Variants in PCDHA8 observed in about 807,000 individuals in gnomAD.
The protein encoded by PCDHA8 is protocadherin alpha-8.
A neutral mutation model predicts 61.8 loss-of-function variants in PCDHA8; 53 were observed. The ratio of observed to expected loss-of-function variants is 0.86; its 90% CI spans 0.69 to 1.08. PCDHA8 has a LOEUF of 1.08. Among genes scored for constraint, PCDHA8 ranks in the 50% least tolerant of loss-of-function variants. PCDHA8 has a pLI of 0.00. For synonymous variants in PCDHA8, 618 were observed against 556.6 expected, an observed-to-expected ratio of 1.11 and a Z score of -1.55; for missense variants, 1,293 against 1,245.0, an observed-to-expected ratio of 1.04 and a Z score of -0.58.
intron 1 of PCDHA8, 41 bp downstream of exon 1, chr5:140,843,756 G>A: frequency 2.7e-6 from 4 of 1,503,408 alleles, no homozygotes; most frequent in Non-Finnish European, 3.7e-6. Flanking sequence ...TTCTATTTGT[G>A]GAAATTGTAG....
chr5:140,945,246 G>A (rs1257337219), intron 1 of PCDHA8, among the ~76,000 whole-genome samples: 1 of 151,864 alleles, frequency 6.6e-6, no homozygotes, highest in African/African-American at 2.4e-5. Context: ...TTAACCAAGA[G>A]GATGAAAGAC....
intron 1 of PCDHA8, among the ~76,000 whole-genome samples, chr5:140,952,559 G>A (rs1185999097): frequency 6.6e-6 from 1 of 152,108 alleles, no homozygotes; most frequent in Non-Finnish European, 1.5e-5. Flanking sequence ...TTCACTATCA[G>A]CACTTCGGTC....
At chr5:140,873,414 G>T (rs184525297) in intron 1 of PCDHA8, among the ~76,000 whole-genome samples, 57 of 152,118 alleles carry the variant, frequency 3.7e-4, no homozygotes, top group African/African-American at 1.2e-3. Flanking sequence ...TTAAAATTTT[G>T]TAAATTATTA....
chr5:140,986,638 G>A (rs185773882), intron 3 of PCDHA8, among the ~76,000 whole-genome samples: 18 of 152,282 alleles, frequency 1.2e-4, no homozygotes, highest in Non-Finnish European at 2.6e-4. Flanking sequence ...CAGTACATTA[G>A]TTTTAGAGTG....
chr5:140,859,050 C>T lies in PCDHA8; in HGVS notation c.2394+15335C>T, dbSNP rs1375477710. ...TGCTTTGAACTTTAAAAACGTTTTC[C>T]ATTTTTATTTTAGTTGTAGTGGTAC... On this transcript the variant is annotated intron_variant, in intron 1 of 3. Transcript: ENST00000531613. 1.3e-5 allele frequency: 2 copies of T among 150,490 alleles called. 1 individual carries two copies. The highest frequency in any genetic ancestry group is 3.0e-5 in the Non-Finnish European group (2 of 67,566). The allele number at this position is 150,490 out of a possible 1,614,324, so 9.3% of individuals were successfully genotyped here.
rs147581214 is a variant in PCDHA8, at chr5:140,857,154, C to G, written c.2394+13439C>G. 87 of 1,598,228 alleles carry G rather than the reference C, an allele frequency of 5.4e-5. 8 individuals carry two copies. Among genetic ancestry groups the G allele is most frequent in the Non-Finnish European group, 7.1e-5 (83 of 1,167,802 alleles). On this transcript the variant is annotated intron_variant, in intron 1 of 3. Coordinates refer to ENST00000531613, the MANE Select transcript of PCDHA8 (RefSeq NM_018911.3). ...GATGCTCAAGTGGGCACCGTCATTG[C>G]CCTAATCAGCGTTTCTGACCATGAT...
chr5:140,858,010 C>A, intron 1 of PCDHA8: 2 of 1,596,490 alleles, frequency 1.3e-6, no homozygotes, highest in Middle Eastern at 3.3e-4. Flanking sequence ...AGGACCATGG[C>A]GAGCCGTCGC....
At chr5:140,918,515 T>C (rs1000500676) in intron 1 of PCDHA8, among the ~76,000 whole-genome samples, 1 of 152,224 alleles carries the variant, frequency 6.6e-6, no homozygotes, top group African/African-American at 2.4e-5. Flanking sequence ...TTTAAACTTA[T>C]TGAGGATTGT....
chr5:140,914,785 C>G (rs2153531678), intron 1 of PCDHA8, among the ~76,000 whole-genome samples: 1 of 151,672 alleles, frequency 6.6e-6, no homozygotes, highest in Non-Finnish European at 1.5e-5. Context: ...ATCTTATGAC[C>G]CATTATTTTA....
chr5:140,911,849 T>C (rs536574096), intron 1 of PCDHA8, among the ~76,000 whole-genome samples: 4 of 152,314 alleles, frequency 2.6e-5, no homozygotes, highest in African/African-American at 9.6e-5. Flanking sequence ...AACTCCATCC[T>C]TAATAGTCTG....
intron 1 of PCDHA8, among the ~76,000 whole-genome samples, chr5:140,906,125 T>G (rs1168148239): frequency 6.6e-6 from 1 of 152,028 alleles, no homozygotes; most frequent in Non-Finnish European, 1.5e-5. Flanking sequence ...GACACAAATG[T>G]TAGTCTCCTT....
chr5:140,914,933 T>C (rs1025071911), intron 1 of PCDHA8, among the ~76,000 whole-genome samples: 1 of 149,146 alleles, frequency 6.7e-6, no homozygotes, highest in Non-Finnish European at 1.5e-5. Flanking sequence ...TACTATGTTG[T>C]GAAAAGTTGT....
At chr5:140,870,426 C>G (rs574302735) in intron 1 of PCDHA8, 1 of 1,614,208 alleles carries the variant, frequency 6.2e-7, no homozygotes, top group African/African-American at 1.3e-5. Flanking sequence ...CCAGGGTATC[C>G]GTGGAGGTGG....
chr5:140,891,756 G>A (rs782304941), intron 1 of PCDHA8, among the ~76,000 whole-genome samples: 20 of 152,144 alleles, frequency 1.3e-4, no homozygotes, highest in Non-Finnish European at 2.5e-4. Flanking sequence ...AACAGTGTTG[G>A]GAGGTGGGGA....
At chr5:140,984,441 T>A (rs1554246265) in intron 3 of PCDHA8, among the ~76,000 whole-genome samples, 3 of 152,200 alleles carry the variant, frequency 2.0e-5, no homozygotes, top group Admixed American at 6.5e-5. Context: ...TCTCCCTTGT[T>A]CCCTTTCTTA....
intron 1 of PCDHA8, among the ~76,000 whole-genome samples, chr5:140,899,376 A>G (rs2153463773): frequency 6.6e-6 from 1 of 152,262 alleles, no homozygotes; most frequent in South Asian, 2.1e-4. Flanking sequence ...TCAATACCTA[A>G]TTTATTGAGA....
chr5:140,952,798 G>A (rs1554220633), intron 1 of PCDHA8, among the ~76,000 whole-genome samples: 1 of 152,138 alleles, frequency 6.6e-6, no homozygotes, highest in Non-Finnish European at 1.5e-5. Flanking sequence ...TAACTGGCTC[G>A]CAGTTCTGCA....
At chr5:140,945,372 T>C (rs1554216918) in intron 1 of PCDHA8, among the ~76,000 whole-genome samples, 1 of 152,088 alleles carries the variant, frequency 6.6e-6, no homozygotes, top group Non-Finnish European at 1.5e-5. Flanking sequence ...AATGTCCATA[T>C]TACCCAAAGC....
At position 140,842,323 on chromosome 5, in the gene PCDHA8, C is replaced by T. The variant is rs2150334082; in HGVS notation, c.1002C>T (p.Cys334=). The part of the protein sequence containing the change: ...DKGHPPMAGH[C]TVLVRILDKN... ...GCCATCCTCCCATGGCGGGTCATTG[C>T]ACCGTTTTAGTGAGAATTTTGGATA... The change falls in exon 1 of 4, where the codon TGC becomes TGT. Residue 334 remains cysteine, a synonymous_variant. Transcript: ENST00000531613. 1.6e-5 allele frequency: 26 copies of T among 1,607,134 alleles called. No individual in the cohort carries two copies. The highest frequency in any genetic ancestry group is 2.2e-5 in the Non-Finnish European group (26 of 1,173,900).
Sources: gnomAD v4.1 joint callset for allele counts (sites outside exome capture counted in the v4.1 genomes callset) on GRCh38, gnomAD v4.1.1 for gene constraint, MANE v1.5 for transcripts, NCBI Gene and HGNC (gene_info 2026-07-23, HGNC 2026-07-21) for gene names.